SYT1: variants seen among roughly 807,000 people sequenced by gnomAD.
The protein encoded by SYT1 is synaptotagmin 1, also known as synaptotagmin-1.
A neutral mutation model predicts 44.8 loss-of-function variants in SYT1; 8 were observed. The ratio of observed to expected loss-of-function variants is 0.18; its 90% CI spans 0.10 to 0.32. The LOEUF (loss-of-function observed/expected upper bound fraction) is 0.32. Ranked by LOEUF, SYT1 falls within the 10% of genes least tolerant of loss-of-function variation. SYT1 has a pLI of 1.00. For synonymous variants in SYT1, 154 were observed against 188.8 expected, an observed-to-expected ratio of 0.82 and a Z score of 1.51; for missense variants, 286 against 509.3, an observed-to-expected ratio of 0.56 and a Z score of 4.22.
chr12:79,363,405 G>T (rs1162020860), intron 9 of SYT1, among the ~76,000 whole-genome samples: 3 of 151,966 alleles, frequency 2.0e-5, no homozygotes, highest in East Asian at 3.9e-4. Context: ...GCTCAGAAAT[G>T]GAAACATCAA....
At chr12:78,871,761 G>C (rs1490917039) in intron 1 of SYT1, among the ~76,000 whole-genome samples, 1 of 151,832 alleles carries the variant, frequency 6.6e-6, no homozygotes, top group Admixed American at 6.6e-5. Flanking sequence ...CCAGATCCTA[G>C]TTTACAAGGC....
At chr12:79,365,561 T>C (rs1055888782) in intron 9 of SYT1, among the ~76,000 whole-genome samples, 3 of 152,078 alleles carry the variant, frequency 2.0e-5, no homozygotes, top group Admixed American at 6.6e-5. Flanking sequence ...ACAGATCAAG[T>C]ATTAATATCC....
At chr12:79,236,325 C>T (rs1876189203) in intron 4 of SYT1, among the ~76,000 whole-genome samples, 1 of 152,168 alleles carries the variant, frequency 6.6e-6, no homozygotes. Context: ...CCTACCTTTC[C>T]AGCCTCTTTC....
intron 9 of SYT1, among the ~76,000 whole-genome samples, chr12:79,423,850 G>T (rs1250273313): frequency 6.6e-6 from 1 of 151,834 alleles, no homozygotes; most frequent in African/African-American, 2.4e-5. Context: ...GTGAACACTT[G>T]TTCCTGAAAT....
intron 3 of SYT1, among the ~76,000 whole-genome samples, chr12:79,059,428 C>G (rs754411261): frequency 7.2e-5 from 11 of 152,012 alleles, no homozygotes; most frequent in Non-Finnish European, 1.3e-4. Context: ...TTCAATACCT[C>G]AAATGTAAAA....
intron 1 of SYT1, among the ~76,000 whole-genome samples, chr12:78,898,949 T>A (rs1262424332): frequency 1.3e-5 from 2 of 152,104 alleles, no homozygotes; most frequent in Admixed American, 1.3e-4. Flanking sequence ...AGTAAAGATA[T>A]AAAATGACCT....
At chr12:78,895,561 A>G (rs1321286340) in intron 1 of SYT1, among the ~76,000 whole-genome samples, 1 of 151,792 alleles carries the variant, frequency 6.6e-6, no homozygotes, top group African/African-American at 2.4e-5. Context: ...AAAGTATTCC[A>G]TAACACAATT....
chr12:79,332,964 A>G (rs564382811), intron 8 of SYT1, among the ~76,000 whole-genome samples: 31 of 152,288 alleles, frequency 2.0e-4, no homozygotes, highest in African/African-American at 7.5e-4. Flanking sequence ...TAGATGCAAC[A>G]TGTTTGTCAC....
chr12:79,014,617 C>G (rs367920872), intron 2 of SYT1, among the ~76,000 whole-genome samples: 14 of 152,234 alleles, frequency 9.2e-5, no homozygotes, highest in East Asian at 7.8e-4. Flanking sequence ...GTTGGTGGGA[C>G]TGTATACTAG....
intron 1 of SYT1, among the ~76,000 whole-genome samples, chr12:78,922,837 AC>A (rs35034601): frequency 6.6e-6 from 1 of 151,910 alleles, no homozygotes; most frequent in Non-Finnish European, 1.5e-5. Flanking sequence ...TTCTCACACA[AC>A]CCCATGAAGT....
At chr12:79,419,687 C>T (rs1055780518) in intron 9 of SYT1, among the ~76,000 whole-genome samples, 1 of 151,996 alleles carries the variant, frequency 6.6e-6, no homozygotes, top group East Asian at 1.9e-4. Flanking sequence ...GACTCTTGTA[C>T]CTATCACACT....
intron 3 of SYT1, among the ~76,000 whole-genome samples, chr12:79,115,550 C>T (rs1161276278): frequency 6.6e-6 from 1 of 152,110 alleles, no homozygotes; most frequent in Non-Finnish European, 1.5e-5. Flanking sequence ...GACAGCACTA[C>T]CTAGACAAAT....
intron 6 of SYT1, 75 bp downstream of exon 6, chr12:79,292,205 C>A (rs1879621650): frequency 6.6e-7 from 1 of 1,517,670 alleles, no homozygotes; most frequent in Admixed American, 2.1e-5. Context: ...AGCAAGATAC[C>A]TCTTAAAATA....
chr12:79,164,131 A>C (rs1252020474), intron 3 of SYT1, among the ~76,000 whole-genome samples: 1 of 152,128 alleles, frequency 6.6e-6, no homozygotes, highest in Non-Finnish European at 1.5e-5. Flanking sequence ...AAATAAAGTA[A>C]GCATGGTATT....
intron 9 of SYT1, among the ~76,000 whole-genome samples, chr12:79,404,689 G>A (rs1016586953): frequency 3.9e-5 from 6 of 152,278 alleles, no homozygotes; most frequent in Admixed American, 6.5e-5. Flanking sequence ...CACATAAGAT[G>A]CTAGATCAGA....
At chr12:79,053,192 T>C (rs998984182) in intron 3 of SYT1, among the ~76,000 whole-genome samples, 4 of 152,062 alleles carry the variant, frequency 2.6e-5, no homozygotes, top group African/African-American at 9.7e-5. Flanking sequence ...AAATGATGAG[T>C]TCATGTCCTT....
At chr12:79,163,952 A>C (rs533634713) in intron 3 of SYT1, among the ~76,000 whole-genome samples, 11 of 152,170 alleles carry the variant, frequency 7.2e-5, no homozygotes, top group Admixed American at 7.2e-4. Context: ...TGTTGGTAGG[A>C]TATTGAATGA....
At chr12:79,383,155 T>A (rs1349320826) in intron 9 of SYT1, among the ~76,000 whole-genome samples, 2 of 152,212 alleles carry the variant, frequency 1.3e-5, no homozygotes, top group African/African-American at 4.8e-5. Flanking sequence ...TTGTGTGAAC[T>A]TCATAGAGTG....
At chr12:79,411,226 G>A (rs954421752) in intron 9 of SYT1, among the ~76,000 whole-genome samples, 2 of 152,186 alleles carry the variant, frequency 1.3e-5, no homozygotes, top group Admixed American at 1.3e-4. Flanking sequence ...CCATGGACCT[G>A]TGTGGCACAT....
Sources: gnomAD v4.1 joint callset for allele counts (sites outside exome capture counted in the v4.1 genomes callset) on GRCh38, gnomAD v4.1.1 for gene constraint, MANE v1.5 for transcripts, NCBI Gene and HGNC (gene_info 2026-07-23, HGNC 2026-07-21) for gene names.